PLCB1: variants seen among roughly 807,000 people sequenced by gnomAD.
PLCB1 encodes the protein phospholipase C beta 1, also known as 1-phosphatidylinositol 4,5-bisphosphate phosphodiesterase beta-1.
PLCB1 carries 46 observed loss-of-function variants against 161.8 expected under a neutral mutation model. The ratio of observed to expected loss-of-function variants is 0.28; its 90% confidence interval spans 0.22 to 0.36. The LOEUF is 0.36. PLCB1 is among the 10% of genes least tolerant of loss of function. PLCB1 has a pLI of 1.00. For missense variants in PLCB1, 1,016 were observed against 1,472.5 expected (o/e 0.69, Z 5.07); for synonymous variants, 517 against 503.7 (o/e 1.03, Z -0.35).
Position 8,740,122 on chromosome 20 carries a change from GA to G in PLCB1, c.2309-217del, listed in dbSNP as rs374602703. On this transcript the variant is annotated intron_variant, in intron 21 of 31. Coordinates refer to ENST00000338037, the MANE Select transcript of PLCB1 (RefSeq NM_015192.4). ...TGTGATTTGGAATTATCTTTTGTGG[GA>G]AAAATCATACGGTTGGAAAGGAAAA... 1.7e-3 allele frequency among the ~76,000 whole-genome samples: 254 copies of G among 152,274 alleles called. 1 individual carries two copies. Among genetic ancestry groups the G allele is most frequent in the African/African-American group, 5.8e-3 (242 of 41,560 alleles).
At chr20:8,163,887 A>G (rs2051650268) in intron 2 of PLCB1, among the ~76,000 whole-genome samples, 1 of 152,208 alleles carries the variant, frequency 6.6e-6, no homozygotes, top group Admixed American at 6.5e-5. Flanking sequence ...TCAATAAGCT[A>G]ATGATTGCAA....
intron 19 of PLCB1, among the ~76,000 whole-genome samples, chr20:8,736,379 T>G (rs187417961): frequency 1.3e-5 from 2 of 152,302 alleles, no homozygotes; most frequent in East Asian, 3.9e-4. Flanking sequence ...CCTTGTGAGA[T>G]TAGGGGTAAT....
chr20:8,231,561 T>C (rs1384794081), intron 2 of PLCB1, among the ~76,000 whole-genome samples: 1 of 152,212 alleles, frequency 6.6e-6, no homozygotes, highest in Non-Finnish European at 1.5e-5. Flanking sequence ...ACATGCTGAA[T>C]GAATGATTGA....
intron 3 of PLCB1, among the ~76,000 whole-genome samples, chr20:8,474,870 T>G (rs1025661702): frequency 6.6e-6 from 1 of 152,152 alleles, no homozygotes; most frequent in African/African-American, 2.4e-5. Flanking sequence ...GATAAAATTC[T>G]TCACCCTCCT....
At chr20:8,808,440 T>C (rs1034147662) in intron 31 of PLCB1, among the ~76,000 whole-genome samples, 1 of 152,164 alleles carries the variant, frequency 6.6e-6, no homozygotes, top group African/African-American at 2.4e-5. Context: ...GACCTACTCA[T>C]AGGAGCTCAT....
intron 2 of PLCB1, among the ~76,000 whole-genome samples, chr20:8,303,472 C>T (rs1044746030): frequency 6.6e-6 from 1 of 152,150 alleles, no homozygotes; most frequent in African/African-American, 2.4e-5. Flanking sequence ...AAACAGAAAA[C>T]TCATTAACTG....
At chr20:8,183,968 T>G (rs1266971408) in intron 2 of PLCB1, among the ~76,000 whole-genome samples, 5 of 152,186 alleles carry the variant, frequency 3.3e-5, no homozygotes, top group Non-Finnish European at 7.4e-5. Context: ...TCTTCCATCT[T>G]GAAAATTTTG....
intron 3 of PLCB1, among the ~76,000 whole-genome samples, chr20:8,619,158 C>T (rs757909186): frequency 5.3e-5 from 8 of 152,058 alleles, no homozygotes; most frequent in East Asian, 1.9e-4. Flanking sequence ...AAAAAGAGGC[C>T]GGGTGCGGTG....
At chr20:8,498,170 T>C (rs1216638595) in intron 3 of PLCB1, among the ~76,000 whole-genome samples, 1 of 152,234 alleles carries the variant, frequency 6.6e-6, no homozygotes, top group Non-Finnish European at 1.5e-5. Context: ...CGATCTCAGC[T>C]CACTGCAATC....
chr20:8,134,506 C>T (rs1445739889), intron 1 of PLCB1, among the ~76,000 whole-genome samples: 1 of 152,196 alleles, frequency 6.6e-6, no homozygotes, highest in Admixed American at 6.5e-5. Flanking sequence ...TATGAAAACA[C>T]ATTTTGGTAT....
intron 31 of PLCB1, 66 bp downstream of exon 31, chr20:8,790,327 T>C (rs1477123458): frequency 6.4e-6 from 8 of 1,242,130 alleles, no homozygotes; most frequent in Non-Finnish European, 9.2e-6. Context: ...GAGTAAAACC[T>C]TCCTGGTTTA....
chr20:8,840,441 G>A (rs1414843459), intron 31 of PLCB1, among the ~76,000 whole-genome samples: 1 of 152,178 alleles, frequency 6.6e-6, no homozygotes, highest in African/African-American at 2.4e-5. Flanking sequence ...GTGCTCTGAG[G>A]AAGCTACACA....
chr20:8,462,589 A>G (rs1282730742), intron 3 of PLCB1, among the ~76,000 whole-genome samples: 1 of 152,142 alleles, frequency 6.6e-6, no homozygotes, highest in Non-Finnish European at 1.5e-5. Context: ...CGAACTTCCC[A>G]TTTGCATTGA....
intron 2 of PLCB1, among the ~76,000 whole-genome samples, chr20:8,254,296 A>T (rs753786719): frequency 2.0e-4 from 30 of 151,916 alleles, no homozygotes; most frequent in Non-Finnish European, 4.0e-4. Flanking sequence ...TGTGTACAAC[A>T]TTTGCAATTG....
chr20:8,854,618 T>C (rs1029743856), intron 31 of PLCB1, among the ~76,000 whole-genome samples: 2 of 152,226 alleles, frequency 1.3e-5, no homozygotes, highest in Non-Finnish European at 2.9e-5. Flanking sequence ...TTATAATAAA[T>C]TTCTACTGGA....
At chr20:8,362,279 C>T (rs1986569027) in intron 2 of PLCB1, among the ~76,000 whole-genome samples, 1 of 152,200 alleles carries the variant, frequency 6.6e-6, no homozygotes, top group Non-Finnish European at 1.5e-5. Context: ...TTTTTAATGT[C>T]AACCTAATAA....
intron 26 of PLCB1, among the ~76,000 whole-genome samples, chr20:8,773,297 C>T (rs1031542592): frequency 2.8e-4 from 43 of 152,236 alleles, no homozygotes; most frequent in African/African-American, 1.0e-3. Flanking sequence ...GGTAGTCTTT[C>T]GGGAAGGGAT....
At chr20:8,686,599 G>A (rs1990364497) in intron 10 of PLCB1, among the ~76,000 whole-genome samples, 1 of 152,128 alleles carries the variant, frequency 6.6e-6, no homozygotes, top group African/African-American at 2.4e-5. Flanking sequence ...TTCTTTCAGA[G>A]TATATTAATT....
At chr20:8,219,656 C>T (rs1441710638) in intron 2 of PLCB1, among the ~76,000 whole-genome samples, 1 of 152,100 alleles carries the variant, frequency 6.6e-6, no homozygotes, top group Non-Finnish European at 1.5e-5. Context: ...AGTCACTACA[C>T]CTAAACCAAC....
Sources: allele counts gnomAD v4.1 joint callset (sites outside exome capture counted in the v4.1 genomes callset), GRCh38; gene constraint gnomAD v4.1.1; transcripts MANE v1.5; gene names NCBI Gene and HGNC (gene_info 2026-07-23, HGNC 2026-07-21).